Variants in FANCI observed in about 807,000 individuals in gnomAD.
FANCI encodes the protein Fanconi anemia group I protein.
FANCI carries 156 observed loss-of-function variants against 176.1 expected under a neutral mutation model. The ratio of observed to expected loss-of-function variants is 0.89; its 90% CI spans 0.78 to 1.01. The LOEUF is 1.01. Ranked by LOEUF, FANCI falls within the 50% of genes least tolerant of loss-of-function variation. The pLI is 0.00. For synonymous variants in FANCI, 613 were observed against 541.7 expected, an observed-to-expected ratio of 1.13 and a Z score of -1.83; for missense variants, 1,678 against 1,534.1, an observed-to-expected ratio of 1.09 and a Z score of -1.57.
At chr15:89,259,219 A>G (rs1389676632) in intron 3 of FANCI, 3 of 167,914 alleles carry the variant, frequency 1.8e-5, no homozygotes, top group African/African-American at 7.2e-5. Context: ...AACAAGGGCT[A>G]GTTTAAATTG....
Position 89,295,444 on chromosome 15 carries a change from T to TTACC in FANCI, c.2636+352_2636+355dup, listed in dbSNP as rs2054221237. Among the ~76,000 whole-genome samples, 5 of 151,324 alleles carry TTACC rather than the reference T, an allele frequency of 3.3e-5. No homozygotes were observed. In the South Asian group the frequency reaches 1.0e-3, roughly 32 times the overall value. On this transcript the variant is annotated intron_variant, in intron 24 of 37. Coordinates refer to ENST00000310775, the MANE Select transcript of FANCI (RefSeq NM_001113378.2). The stretch of plus-strand genomic sequence containing the variant: ...ACTTTGGGAGGCTGAGCCGGGTGGA[T>TTACC]TACCTGAGGTTGGGAGTTCGAGACC...
intron 3 of FANCI, among the ~76,000 whole-genome samples, chr15:89,260,221 G>T (rs1316766062): frequency 6.6e-6 from 1 of 151,066 alleles, no homozygotes; most frequent in Non-Finnish European, 1.5e-5. Context: ...TTCCAGGATC[G>T]GCACTAAAAA....
chr15:89,253,556 A>C (rs1396462444), intron 2 of FANCI, among the ~76,000 whole-genome samples: 1 of 147,482 alleles, frequency 6.8e-6, no homozygotes, highest in African/African-American at 2.7e-5. Context: ...AGTATATGTT[A>C]GAAGAAAACA....
chr15:89,274,901 G>A (rs971016120), intron 12 of FANCI, among the ~76,000 whole-genome samples: 2 of 151,556 alleles, frequency 1.3e-5, no homozygotes, highest in Non-Finnish European at 1.5e-5. Context: ...CACCGGTCCT[G>A]GCCGTTTCTT....
At chr15:89,258,574 T>G (rs1390290269) in intron 2 of FANCI, 130 bp from the exon 3 acceptor site, 8 of 763,376 alleles carry the variant, frequency 1.0e-5, no homozygotes, top group East Asian at 5.0e-5. Flanking sequence ...CTAAAAATTA[T>G]GGTGTTTGTA....
chr15:89,275,564 A>C (rs561401432), intron 12 of FANCI, among the ~76,000 whole-genome samples: 1 of 152,160 alleles, frequency 6.6e-6, no homozygotes, highest in Non-Finnish European at 1.5e-5. Context: ...CAGTAGGGCA[A>C]ATTTGAAATT....
At chr15:89,292,176 G>T (rs553489377) in intron 20 of FANCI, among the ~76,000 whole-genome samples, 1 of 152,280 alleles carries the variant, frequency 6.6e-6, no homozygotes, top group South Asian at 2.1e-4. Context: ...ACAGCGAAGA[G>T]GATAAAAATG....
chr15:89,295,007 T>C lies in FANCI; in HGVS notation c.2549T>C (p.Val850Ala). Reference protein sequence around the residue: ...RYAVNVALQKVQQLKETGHVS... With the variant: ...RYAVNVALQKAQQLKETGHVS... ...GCAGTGAATGTAGCTCTGCAGAAAG[T>C]ACAGCAGCTAAAGGAAACAGGGCAT... The change falls in exon 24 of 38, where the codon GTA (valine) becomes GCA (alanine). Residue 850 changes from valine (V) to alanine (A), a missense_variant. Physicochemically the swap from Val to Ala is moderately conservative, Grantham distance 64. Around this residue, in one of 3 missense-constraint regions of FANCI, gnomAD observed 1,204 missense variants for 1,077.4 expected, o/e 1.12. Transcript: ENST00000310775. The C allele has an allele frequency of 1.3e-6, 2 of 1,552,232 alleles. No homozygotes were observed. The highest frequency in any genetic ancestry group is 1.4e-5 in the African/African-American group (1 of 73,126).
intron 16 of FANCI, 164 bp downstream of exon 16, chr15:89,281,999 G>T: frequency 1.5e-6 from 1 of 654,912 alleles, no homozygotes; most frequent in South Asian, 1.7e-5. Flanking sequence ...TGCTTTATGT[G>T]CTTTTTTCAT....
intron 26 of FANCI, among the ~76,000 whole-genome samples, chr15:89,301,014 G>A (rs143320457): frequency 1.2e-3 from 183 of 152,324 alleles, no homozygotes; most frequent in Middle Eastern, 6.8e-3. Context: ...GTCTAAGCCT[G>A]AGATCAATGG....
chr15:89,250,342 C>T (rs1402318794), intron 2 of FANCI, among the ~76,000 whole-genome samples: 2 of 152,174 alleles, frequency 1.3e-5, no homozygotes, highest in African/African-American at 2.4e-5. Context: ...GGCACATCTA[C>T]ACCATGGAAT....
intron 28 of FANCI, 42 bp downstream of exon 28, chr15:89,303,957 T>G (rs1596322521): frequency 6.4e-7 from 1 of 1,573,446 alleles, no homozygotes; most frequent in Non-Finnish European, 8.7e-7. Flanking sequence ...TTATATAAAA[T>G]CACTATCCTC....
rs1332788738 is a variant in FANCI at position 89,268,395 on chromosome 15, T to G, written c.756-4T>G. ...AGCTCATAACTTTCTGTTGAATCTT[T>G]TAGGCTATTGGATGTTGTCACTGTG... On this transcript the variant is annotated splice_region_variant and splice_polypyrimidine_tract_variant and intron_variant, in intron 9 of 37. Coordinates refer to ENST00000310775, the MANE Select transcript of FANCI (RefSeq NM_001113378.2). The G allele has an allele frequency of 1.2e-6, 2 of 1,614,178 alleles. No individual in the cohort carries two copies.
chr15:89,258,192 C>G (rs28528213), intron 2 of FANCI, among the ~76,000 whole-genome samples: 6,770 of 152,132 alleles, frequency 0.045, 516 homozygotes, highest in African/African-American at 0.15. Context: ...GAATAATTAG[C>G]TCCTTCTTGT....
At position 89,295,103 on chromosome 15, in the gene FANCI, C is replaced by A; in HGVS notation, c.2636+9C>A. Reference sequence around the variant, plus strand: ...CTCTGTGACATAACTCGGTAAGCCACTCCCACCCCTTAGAAACTTATTCCA... The same window carrying A: ...CTCTGTGACATAACTCGGTAAGCCAATCCCACCCCTTAGAAACTTATTCCA... On this transcript the variant is annotated intron_variant, in intron 24 of 37. Transcript: ENST00000310775. 6.5e-7 allele frequency: 1 copy of A among 1,550,204 alleles called. No homozygotes were observed. The highest frequency in any genetic ancestry group is 8.7e-7 in the Non-Finnish European group (1 of 1,146,628).
intron 6 of FANCI, 33 bp downstream of exon 6, chr15:89,261,911 G>T: frequency 6.3e-7 from 1 of 1,599,822 alleles, no homozygotes; most frequent in East Asian, 2.2e-5. Flanking sequence ...ACTTTCTTAG[G>T]AATACAAGTG....
chr15:89,292,681 C>G lies in FANCI; in HGVS notation c.1993-7C>G, dbSNP rs773420007. The G allele has an allele frequency of 3.1e-6, 5 of 1,612,784 alleles. No individual in the cohort carries two copies. The highest frequency in any genetic ancestry group is 2.5e-6 in the Non-Finnish European group (3 of 1,179,812). ...AGAGTATTTAATTTACTTATTTTCTCCTACAGGATTATCTGCTGTGTTGTA... is the reference window on the plus strand; with the variant it reads ...AGAGTATTTAATTTACTTATTTTCTGCTACAGGATTATCTGCTGTGTTGTA... On this transcript the variant is annotated splice_region_variant and splice_polypyrimidine_tract_variant and intron_variant, in intron 20 of 37. Transcript: ENST00000310775.
chr15:89,278,648 G>C, intron 13 of FANCI, 39 bp from the exon 14 acceptor site: 1 of 1,512,046 alleles, frequency 6.6e-7, no homozygotes, highest in East Asian at 2.3e-5. Context: ...AAAGCTGAAG[G>C]GTCACCCAGG....
At chr15:89,256,188 T>G (rs2052485248) in intron 2 of FANCI, among the ~76,000 whole-genome samples, 1 of 152,226 alleles carries the variant, frequency 6.6e-6, no homozygotes, top group Non-Finnish European at 1.5e-5. Context: ...TTTGTTGTGG[T>G]GGGCTGTCCA....
Sources: gnomAD v4.1 joint callset for allele counts (sites outside exome capture counted in the v4.1 genomes callset) on GRCh38, gnomAD v4.1.1 for gene constraint, gnomAD v4.1.1 regional missense constraint, MANE v1.5 for transcripts, NCBI Gene and HGNC (gene_info 2026-07-23, HGNC 2026-07-21) for gene names.